The following DYNC1I1 variants were observed in gnomAD, a reference collection of about 807,000 sequenced individuals.
DYNC1I1 encodes dynein cytoplasmic 1 intermediate chain 1.
In DYNC1I1, 43 loss-of-function variants were observed where a neutral mutation model predicts 86.6. That is an observed-to-expected ratio of 0.50 (90% confidence interval 0.39 to 0.64). DYNC1I1 has a LOEUF of 0.64. Ranked by LOEUF, DYNC1I1 falls within the 30% of genes least tolerant of loss-of-function variation. The pLI is 0.00. For missense variants in DYNC1I1, 604 were observed against 788.8 expected (o/e 0.77, Z 2.81); for synonymous variants, 262 against 283.7 (o/e 0.92, Z 0.77).
intron 15 of DYNC1I1, among the ~76,000 whole-genome samples, chr7:96,079,510 A>G (rs556929326): frequency 6.6e-6 from 1 of 152,310 alleles, no homozygotes; most frequent in East Asian, 1.9e-4. Flanking sequence ...GACACACTAA[A>G]AAGTCTTTCC....
intron 4 of DYNC1I1, among the ~76,000 whole-genome samples, chr7:95,818,214 T>C (rs1794990497): frequency 6.6e-6 from 1 of 151,868 alleles, no homozygotes; most frequent in African/African-American, 2.4e-5. Context: ...TCTTTTTTTT[T>C]TTTTTGACCA....
chr7:96,064,182 A>C (rs1242979404), intron 14 of DYNC1I1, among the ~76,000 whole-genome samples: 4 of 151,252 alleles, frequency 2.6e-5, no homozygotes, highest in Non-Finnish European at 5.9e-5. Flanking sequence ...CAAACATATC[A>C]GAATATTTCA....
At chr7:95,774,654 T>C (rs1793796243) in intron 1 of DYNC1I1, among the ~76,000 whole-genome samples, 1 of 152,118 alleles carries the variant, frequency 6.6e-6, no homozygotes, top group African/African-American at 2.4e-5. Flanking sequence ...GGCTCTAGGG[T>C]CTTTCTTCCC....
intron 5 of DYNC1I1, among the ~76,000 whole-genome samples, chr7:95,838,000 G>A (rs999856736): frequency 1.3e-5 from 2 of 152,234 alleles, no homozygotes; most frequent in Middle Eastern, 3.4e-3. Flanking sequence ...TCCTGGTCCT[G>A]GTTGTTTTCT....
intron 5 of DYNC1I1, among the ~76,000 whole-genome samples, chr7:95,866,090 C>T (rs1790010536): frequency 6.6e-6 from 1 of 152,164 alleles, no homozygotes; most frequent in African/African-American, 2.4e-5. Context: ...GGTATGAATG[C>T]CACAGTGTTG....
At chr7:95,874,997 T>C (rs1012610739) in intron 6 of DYNC1I1, among the ~76,000 whole-genome samples, 4 of 152,216 alleles carry the variant, frequency 2.6e-5, no homozygotes, top group Non-Finnish European at 5.9e-5. Flanking sequence ...TTAAACTCTG[T>C]AGTCACTGCT....
intron 10 of DYNC1I1, among the ~76,000 whole-genome samples, chr7:95,998,113 G>T (rs1397199501): frequency 6.6e-6 from 1 of 152,148 alleles, no homozygotes; most frequent in Non-Finnish European, 1.5e-5. Flanking sequence ...CAACACTTCT[G>T]CCTTCATGAT....
At chr7:95,785,822 A>G (rs1037269774) in intron 1 of DYNC1I1, among the ~76,000 whole-genome samples, 4 of 135,512 alleles carry the variant, frequency 3.0e-5, no homozygotes, top group Non-Finnish European at 6.4e-5. Context: ...TATATATTAT[A>G]TATAACAGTA....
intron 1 of DYNC1I1, among the ~76,000 whole-genome samples, chr7:95,794,757 G>A (rs764094622): frequency 6.6e-6 from 1 of 152,148 alleles, no homozygotes; most frequent in Non-Finnish European, 1.5e-5. Context: ...AATAGGACTA[G>A]AGACAATATG....
chr7:95,899,973 A>T (rs985286399), intron 6 of DYNC1I1, among the ~76,000 whole-genome samples: 1 of 152,138 alleles, frequency 6.6e-6, no homozygotes, highest in Non-Finnish European at 1.5e-5. Context: ...GCTTATTATC[A>T]TGTAGGTGCT....
In DYNC1I1 at chr7:95,835,183, G is replaced by A. The variant is rs189747410; in HGVS notation, c.374+7067G>A. ...TCTGGTATGTTGTGTCTTTGTTCTCGTTGGTTTCAAAGAACATCTTTATTT... is the reference window on the plus strand; with the variant it reads ...TCTGGTATGTTGTGTCTTTGTTCTCATTGGTTTCAAAGAACATCTTTATTT... On this transcript the variant is annotated intron_variant, in intron 5 of 16. Coordinates refer to ENST00000447467, the MANE Select transcript of DYNC1I1 (RefSeq NM_001135556.2). 1.7e-4 allele frequency among the ~76,000 whole-genome samples: 16 copies of A among 93,810 alleles called. No individual in the cohort carries two copies. In the East Asian group the frequency reaches 1.9e-3, roughly 11 times the overall value. 61.5% of individuals were successfully genotyped at this position (93,810 alleles called of 152,430 possible). A position where few individuals can be genotyped will look rare whatever the true frequency, so the allele number is the denominator to read the frequency against.
chr7:95,842,963 A>C (rs1019917987), intron 5 of DYNC1I1, among the ~76,000 whole-genome samples: 1 of 152,180 alleles, frequency 6.6e-6, no homozygotes, highest in Non-Finnish European at 1.5e-5. Flanking sequence ...ATAGTAAATT[A>C]ACTTTGACCA....
At chr7:96,002,582 A>G (rs1156484861) in intron 10 of DYNC1I1, among the ~76,000 whole-genome samples, 1 of 152,210 alleles carries the variant, frequency 6.6e-6, no homozygotes, top group Non-Finnish European at 1.5e-5. Context: ...AGTGTCAGCA[A>G]TAATTATTAT....
chr7:96,056,213 A>G (rs1789573573), intron 14 of DYNC1I1: 1 of 151,760 alleles, frequency 6.6e-6, no homozygotes, highest in Admixed American at 6.6e-5. Context: ...CAATGAGCTG[A>G]GTTTTGCTGT....
chr7:96,096,776 T>C (rs568178677), intron 16 of DYNC1I1, among the ~76,000 whole-genome samples: 16 of 152,172 alleles, frequency 1.1e-4, no homozygotes, highest in Non-Finnish European at 1.6e-4. Context: ...CCAGATTCCA[T>C]TGACACTTAT....
chr7:96,032,875 T>C, intron 12 of DYNC1I1, 95 bp downstream of exon 12: 1 of 1,011,924 alleles, frequency 9.9e-7, no homozygotes, highest in Non-Finnish European at 1.5e-6. Flanking sequence ...CCTCACATCC[T>C]AGAGGAGCTA....
chr7:95,839,731 G>A (rs1384201566), intron 5 of DYNC1I1, among the ~76,000 whole-genome samples: 1 of 152,000 alleles, frequency 6.6e-6, no homozygotes, highest in Non-Finnish European at 1.5e-5. Context: ...ACTTTCTTTA[G>A]CATTTTTTTG....
intron 14 of DYNC1I1, among the ~76,000 whole-genome samples, chr7:96,049,797 C>T (rs1042240825): frequency 1.1e-4 from 17 of 151,934 alleles, no homozygotes; most frequent in African/African-American, 1.5e-4. Context: ...TTTGGGAAGC[C>T]GAGGTGAGCG....
At chr7:95,782,340 T>A (rs1794014561) in intron 1 of DYNC1I1, among the ~76,000 whole-genome samples, 1 of 152,216 alleles carries the variant, frequency 6.6e-6, no homozygotes, top group African/African-American at 2.4e-5. Flanking sequence ...CTACAGTCTC[T>A]ATGGGGCACC....
Sources: gnomAD v4.1 joint callset for allele counts (sites outside exome capture counted in the v4.1 genomes callset) on GRCh38, gnomAD v4.1.1 for gene constraint, MANE v1.5 for transcripts, NCBI Gene and HGNC (gene_info 2026-07-23, HGNC 2026-07-21) for gene names.